Variants in THSD7B observed in about 807,000 individuals in gnomAD.
THSD7B encodes the protein thrombospondin type 1 domain containing 7B.
THSD7B carries 138 observed loss-of-function variants against 213.6 expected under a neutral mutation model. The ratio of observed to expected loss-of-function variants is 0.65; its 90% CI spans 0.56 to 0.74. The LOEUF (loss-of-function observed/expected upper bound fraction) is 0.74. Ranked by LOEUF, THSD7B falls within the 30% of genes least tolerant of loss-of-function variation. The probability of loss-of-function intolerance (pLI) is 0.00; values close to 1 mark genes in which losing one functional copy is unlikely to be tolerated. For missense variants in THSD7B, 1,931 were observed against 1,991.5 expected (o/e 0.97, Z 0.58); for synonymous variants, 742 against 687.0 (o/e 1.08, Z -1.25).
chr2:137,475,022 A>T (rs1418131665), intron 15 of THSD7B, among the ~76,000 whole-genome samples: 1 of 152,174 alleles, frequency 6.6e-6, no homozygotes, highest in Non-Finnish European at 1.5e-5. Context: ...AACTTCAGAA[A>T]GAAAGAAACT....
chr2:137,305,641 G>A (rs1190537864), intron 12 of THSD7B, among the ~76,000 whole-genome samples: 1 of 152,116 alleles, frequency 6.6e-6, no homozygotes, highest in Non-Finnish European at 1.5e-5. Context: ...CAGCAACAAT[G>A]CAGATGAACT....
In THSD7B at chr2:136,860,961, G is replaced by T. The variant is rs1429980; in HGVS notation, c.-35-21183G>T. Among the ~76,000 whole-genome samples the T allele has an allele frequency of 3.9e-5, 6 of 152,370 alleles. No homozygotes were observed. In the East Asian group the frequency reaches 7.7e-4, roughly 20 times the overall value. ...CCTCAGGACATCAGCACTTACTGTT[G>T]GTTTTGCCTAGAACGCTGTTTCGCA... On this transcript the variant is annotated intron_variant, in intron 1 of 27. Coordinates refer to ENST00000409968, the MANE Select transcript of THSD7B (RefSeq NM_001316349.2).
At chr2:136,910,646 A>G (rs1363782894) in intron 2 of THSD7B, among the ~76,000 whole-genome samples, 4 of 152,178 alleles carry the variant, frequency 2.6e-5, no homozygotes, top group African/African-American at 9.7e-5. Flanking sequence ...AGTGCTTTGC[A>G]TACGTGAACA....
At chr2:136,793,298 A>G (rs1681999750) in intron 1 of THSD7B, among the ~76,000 whole-genome samples, 1 of 151,850 alleles carries the variant, frequency 6.6e-6, no homozygotes, top group Admixed American at 6.6e-5. Context: ...AAGGTATCTC[A>G]TCTTGGTTTT....
chr2:137,481,279 A>G (rs1189049895), intron 15 of THSD7B, among the ~76,000 whole-genome samples: 1 of 152,228 alleles, frequency 6.6e-6, no homozygotes, highest in Non-Finnish European at 1.5e-5. Flanking sequence ...TCTTAGTTAC[A>G]TGTCAAAACA....
intron 17 of THSD7B, among the ~76,000 whole-genome samples, chr2:137,607,980 G>A (rs1032534711): frequency 6.6e-6 from 1 of 152,152 alleles, no homozygotes; most frequent in African/African-American, 2.4e-5. Flanking sequence ...CAGTAGGCCA[G>A]CAAAGTCTTA....
chr2:137,192,512 G>A (rs1018362561), intron 7 of THSD7B, among the ~76,000 whole-genome samples: 1 of 152,106 alleles, frequency 6.6e-6, no homozygotes, highest in African/African-American at 2.4e-5. Context: ...AGAGAGATGG[G>A]AAATTGAGGG....
chr2:137,001,738 G>A (rs550376558), intron 2 of THSD7B, among the ~76,000 whole-genome samples: 1 of 152,184 alleles, frequency 6.6e-6, no homozygotes, highest in East Asian at 1.9e-4. Context: ...ATTTATCTAT[G>A]TTTAGCTTCA....
intron 5 of THSD7B, among the ~76,000 whole-genome samples, chr2:137,129,151 T>G (rs1022601794): frequency 3.3e-5 from 5 of 152,172 alleles, no homozygotes; most frequent in African/African-American, 1.2e-4. Context: ...ATAATTATTT[T>G]CTACTCGTTT....
intron 14 of THSD7B, among the ~76,000 whole-genome samples, chr2:137,420,357 T>C (rs777723435): frequency 6.6e-6 from 1 of 152,200 alleles, no homozygotes; most frequent in Admixed American, 6.5e-5. Context: ...CTTAATTCTC[T>C]AGTTGATTCC....
intron 7 of THSD7B, among the ~76,000 whole-genome samples, chr2:137,218,643 T>C (rs2105042002): frequency 6.6e-6 from 1 of 152,240 alleles, no homozygotes; most frequent in Non-Finnish European, 1.5e-5. Context: ...TAGAAATCTA[T>C]ACATTCATGA....
At chr2:137,478,741 G>GT (rs1357953090) in intron 15 of THSD7B, among the ~76,000 whole-genome samples, 1 of 152,104 alleles carries the variant, frequency 6.6e-6, no homozygotes, top group Non-Finnish European at 1.5e-5. Flanking sequence ...TCCTAAAGTT[G>GT]TATCTATGGT....
At chr2:137,167,703 T>C (rs1041647217) in intron 6 of THSD7B, among the ~76,000 whole-genome samples, 1 of 152,208 alleles carries the variant, frequency 6.6e-6, no homozygotes, top group African/African-American at 2.4e-5. Context: ...ATATTAATTC[T>C]TGGAGTCATA....
intron 2 of THSD7B, among the ~76,000 whole-genome samples, chr2:136,922,040 AATTTTCTCTGCAT>A (rs1478031788): frequency 3.2e-4 from 48 of 152,244 alleles, no homozygotes; most frequent in African/African-American, 1.1e-3. Context: ...AAAAATCCCT[AATTTTCTCTGCAT>A]TGTTCTCTTA....
rs558857089 is a variant in THSD7B, at chr2:137,410,419, C to G, written c.2696-1190C>G. Reference sequence around the variant, plus strand: ...GAGTAGCTGGGATTACAGGCACGTGCCACCACACCTGACTAATTTTTGTAT... The same window carrying G: ...GAGTAGCTGGGATTACAGGCACGTGGCACCACACCTGACTAATTTTTGTAT... On this transcript the variant is annotated intron_variant, in intron 13 of 27. Coordinates refer to ENST00000409968, the MANE Select transcript of THSD7B (RefSeq NM_001316349.2). 7.0e-4 allele frequency among the ~76,000 whole-genome samples: 106 copies of G among 152,196 alleles called. 1 individual carries two copies. Among genetic ancestry groups the G allele is most frequent in the South Asian group, 2.9e-3 (14 of 4,816 alleles).
At chr2:137,391,694 A>AG (rs56278602) in intron 12 of THSD7B, among the ~76,000 whole-genome samples, 34,312 of 151,718 alleles carry the variant, frequency 0.23, 4,076 homozygotes, top group South Asian at 0.27. Flanking sequence ...CTCAAAAAAA[A>AG]AAAAAAACCA....
intron 7 of THSD7B, among the ~76,000 whole-genome samples, chr2:137,227,411 C>T (rs1002066255): frequency 6.6e-6 from 1 of 152,130 alleles, no homozygotes; most frequent in South Asian, 2.1e-4. Flanking sequence ...CAATTTCCCT[C>T]TTAAATATAT....
rs185907611 is a variant in THSD7B at position 137,110,972 on chromosome 2, G to T, written c.1200-4152G>T. On this transcript the variant is annotated intron_variant, in intron 4 of 27. Transcript: ENST00000409968. ...GAGCAATATATACCATATAGCCTAG[G>T]TATGTAGTAGGCTACACCATCTAGG... Among the ~76,000 whole-genome samples, 214 of 152,250 alleles carry T rather than the reference G, an allele frequency of 1.4e-3. 1 individual carries two copies. Among genetic ancestry groups the T allele is most frequent in the African/African-American group, 4.8e-3 (201 of 41,538 alleles).
chr2:136,912,377 A>G (rs6717977), intron 2 of THSD7B, among the ~76,000 whole-genome samples: 10,737 of 150,244 alleles, frequency 0.071, 641 homozygotes, highest in African/African-American at 0.15. Context: ...GGTTTAACAC[A>G]GTGGTATGTG....
Sources: gnomAD v4.1 joint callset for allele counts (sites outside exome capture counted in the v4.1 genomes callset) on GRCh38, gnomAD v4.1.1 for gene constraint, MANE v1.5 for transcripts, NCBI Gene and HGNC (gene_info 2026-07-23, HGNC 2026-07-21) for gene names.